Variants in EYS observed in about 807,000 individuals in gnomAD.
EYS encodes the protein protein eyes shut homolog.
EYS carries 250 observed loss-of-function variants against 282.1 expected under a neutral mutation model. The observed-to-expected ratio is 0.89, with a 90% CI of 0.80 to 0.98. The LOEUF (loss-of-function observed/expected upper bound fraction) is 0.98, where lower values mean the gene tolerates loss of function less well. Ranked by LOEUF, EYS falls within the 50% of genes least tolerant of loss-of-function variation. The probability of loss-of-function intolerance (pLI) is 0.00; values close to 1 mark genes in which losing one functional copy is unlikely to be tolerated. For synonymous variants in EYS, 1,355 were observed against 1,282.9 expected (o/e 1.06, Z -1.20); for missense variants, 4,016 against 3,709.0 (o/e 1.08, Z -2.15).
intron 2 of EYS, among the ~76,000 whole-genome samples, chr6:65,536,086 G>T (rs575916120): frequency 6.6e-6 from 1 of 152,028 alleles, no homozygotes; most frequent in African/African-American, 2.4e-5. Context: ...CATTTAATTT[G>T]AGATAGAATG....
intron 36 of EYS, among the ~76,000 whole-genome samples, chr6:63,859,729 C>A (rs996327149): frequency 2.0e-5 from 3 of 151,812 alleles, no homozygotes; most frequent in Non-Finnish European, 4.4e-5. Flanking sequence ...GAAAGTAAAG[C>A]TGTTTAAAAA....
intron 2 of EYS, among the ~76,000 whole-genome samples, chr6:65,498,141 C>T (rs373475037): frequency 3.9e-5 from 6 of 151,922 alleles, no homozygotes; most frequent in East Asian, 3.9e-4. Flanking sequence ...AGCAGTAAGA[C>T]GGCAAGGAAG....
At chr6:63,912,851 C>G (rs1227287808) in intron 35 of EYS, among the ~76,000 whole-genome samples, 5 of 151,390 alleles carry the variant, frequency 3.3e-5, no homozygotes, top group Non-Finnish European at 5.9e-5. Context: ...TGAGGCCTCC[C>G]CAGAAGCAGA....
At chr6:64,975,787 T>C (rs1317611376) in intron 14 of EYS, among the ~76,000 whole-genome samples, 1 of 151,914 alleles carries the variant, frequency 6.6e-6, no homozygotes, top group African/African-American at 2.4e-5. Flanking sequence ...CATTATCATT[T>C]GGTAATAATT....
intron 28 of EYS, among the ~76,000 whole-genome samples, chr6:64,415,838 T>C (rs1159122226): frequency 6.6e-6 from 1 of 152,224 alleles, no homozygotes; most frequent in Non-Finnish European, 1.5e-5. Context: ...GGTAAGCTGT[T>C]GTATTCCCTT....
At chr6:64,928,825 A>AT (rs964669287) in intron 15 of EYS, among the ~76,000 whole-genome samples, 1 of 152,022 alleles carries the variant, frequency 6.6e-6, no homozygotes, top group Non-Finnish European at 1.5e-5. Context: ...ATACGGAATG[A>AT]TTTTTTTCTA....
intron 28 of EYS, among the ~76,000 whole-genome samples, chr6:64,422,997 G>T (rs1774286498): frequency 1.3e-5 from 2 of 151,812 alleles, no homozygotes; most frequent in Admixed American, 6.6e-5. Flanking sequence ...TTTTCTTTTA[G>T]ATAATTTTGT....
chr6:65,508,718 C>T (rs868670720), intron 2 of EYS, among the ~76,000 whole-genome samples: 12 of 151,328 alleles, frequency 7.9e-5, no homozygotes, highest in African/African-American at 2.7e-4. Context: ...TTCCCATTTT[C>T]ATTGAGATAG....
At chr6:63,911,789 A>T (rs2149738201) in intron 35 of EYS, among the ~76,000 whole-genome samples, 1 of 152,314 alleles carries the variant, frequency 6.6e-6, no homozygotes. Context: ...ATAACTCCAG[A>T]TCTGGAAATC....
At chr6:65,235,532 T>C (rs1766901466) in intron 12 of EYS, among the ~76,000 whole-genome samples, 1 of 152,130 alleles carries the variant, frequency 6.6e-6, no homozygotes, top group African/African-American at 2.4e-5. Flanking sequence ...TGCCAAGAGG[T>C]ACAAGCTGAC....
intron 35 of EYS, among the ~76,000 whole-genome samples, chr6:63,878,611 G>T (rs1337079676): frequency 1.3e-5 from 2 of 152,182 alleles, no homozygotes; most frequent in Non-Finnish European, 2.9e-5. Context: ...TCCTTGAACT[G>T]CGGTGGGCTC....
At chr6:64,714,018 T>C (rs1270391673) in intron 22 of EYS, among the ~76,000 whole-genome samples, 1 of 152,226 alleles carries the variant, frequency 6.6e-6, no homozygotes, top group Non-Finnish European at 1.5e-5. Flanking sequence ...TGTTCATTTA[T>C]TGCAAATTTT....
chr6:64,973,651 A>G (rs1426263888), intron 14 of EYS, among the ~76,000 whole-genome samples: 1 of 152,014 alleles, frequency 6.6e-6, no homozygotes, highest in Non-Finnish European at 1.5e-5. Flanking sequence ...GAGAGCACAT[A>G]AAGTCAGTGA....
intron 22 of EYS, among the ~76,000 whole-genome samples, chr6:64,634,181 C>G (rs1767889146): frequency 1.3e-5 from 2 of 152,234 alleles, no homozygotes; most frequent in South Asian, 4.1e-4. Context: ...ACAGGGTTTA[C>G]CCATGTTGGC....
intron 8 of EYS, among the ~76,000 whole-genome samples, chr6:65,377,947 G>A (rs371178405): frequency 3.9e-5 from 6 of 152,064 alleles, no homozygotes; most frequent in Admixed American, 2.6e-4. Context: ...AGGACCAGAC[G>A]AATTCACAGC....
intron 14 of EYS, among the ~76,000 whole-genome samples, chr6:64,975,306 T>C (rs1028648014): frequency 6.6e-6 from 1 of 151,774 alleles, no homozygotes; most frequent in African/African-American, 2.4e-5. Context: ...TTAAAAAAAA[T>C]ACATTACTAT....
intron 36 of EYS, among the ~76,000 whole-genome samples, chr6:63,830,692 T>G (rs1221949108): frequency 3.9e-5 from 6 of 152,124 alleles, no homozygotes; most frequent in Non-Finnish European, 8.8e-5. Flanking sequence ...CAGGCCAACA[T>G]TCAAATTCAG....
intron 22 of EYS, among the ~76,000 whole-genome samples, chr6:64,662,250 G>A (rs1769059248): frequency 8.8e-6 from 1 of 113,480 alleles, no homozygotes; most frequent in Admixed American, 1.1e-4. Context: ...GGGGGAGGGG[G>A]GAGGGATAGC....
At position 64,498,133 on chromosome 6, in the gene EYS, T is replaced by C. The variant is rs148425515; in HGVS notation, c.5645-58781A>G. 3.0e-3 allele frequency among the ~76,000 whole-genome samples: 462 copies of C among 152,314 alleles called. 3 individuals are homozygous for C. The highest frequency in any genetic ancestry group is 0.01 in the African/African-American group (430 of 41,582). ...TCTGTTCTCTAAGAGCATCAATCAG[T>C]ATATTTCATATAAATAGCTATTGTT... On this transcript the variant is annotated intron_variant, in intron 26 of 42. Transcript: ENST00000503581.
Sources: gnomAD v4.1 joint callset for allele counts (sites outside exome capture counted in the v4.1 genomes callset) on GRCh38, gnomAD v4.1.1 for gene constraint, MANE v1.5 for transcripts, NCBI Gene and HGNC (gene_info 2026-07-23, HGNC 2026-07-21) for gene names.